The following AASDH variants were observed in gnomAD, a reference collection of about 807,000 sequenced individuals.
AASDH encodes beta-alanine-activating enzyme.
Under a neutral mutation model 102.3 loss-of-function variants are expected in AASDH, and 81 were observed. That is an observed-to-expected ratio of 0.79 (90% CI 0.66 to 0.95). The LOEUF (loss-of-function observed/expected upper bound fraction) is 0.95. Among genes scored for constraint, AASDH ranks in the 40% least tolerant of loss-of-function variants. The pLI is 0.00. For synonymous variants in AASDH, 398 were observed against 454.0 expected (o/e 0.88, Z 1.57); for missense variants, 1,203 against 1,266.2 (o/e 0.95, Z 0.76).
chr4:56,366,329 C>T (rs1751003361), intron 5 of AASDH, among the ~76,000 whole-genome samples: 1 of 152,190 alleles, frequency 6.6e-6, no homozygotes, highest in African/African-American at 2.4e-5. Context: ...CAAACTATTC[C>T]AATCAACAGA....
intron 3 of AASDH, among the ~76,000 whole-genome samples, chr4:56,380,872 T>C (rs865883680): frequency 1.3e-5 from 2 of 152,176 alleles, no homozygotes; most frequent in Non-Finnish European, 1.5e-5. Flanking sequence ...ATAAAAAATA[T>C]GTCTAGACAT....
At chr4:56,344,454 T>C (rs1195081803) in intron 12 of AASDH, among the ~76,000 whole-genome samples, 1 of 152,312 alleles carries the variant, frequency 6.6e-6, no homozygotes, top group East Asian at 1.9e-4. Flanking sequence ...TGTGTATTTA[T>C]GTCCCTTGTT....
At chr4:56,354,259 A>G in intron 7 of AASDH, 48 bp from the exon 8 acceptor site, 1 of 1,450,830 alleles carries the variant, frequency 6.9e-7, no homozygotes, top group Non-Finnish European at 9.1e-7. Context: ...AGGGAAATAT[A>G]TTAAAAACCA....
rs531875615 is a variant in AASDH, at chr4:56,343,081, G to C, written c.2776-115C>G. 1,182 of 1,030,502 alleles carry C rather than the reference G, an allele frequency of 1.1e-3. 2 individuals carry two copies. Among genetic ancestry groups the C allele is most frequent in the Non-Finnish European group, 1.0e-3 (781 of 768,022 alleles). 63.8% of individuals were successfully genotyped at this position (1,030,502 alleles called of 1,614,324 possible). On this transcript the variant is annotated intron_variant, in intron 13 of 14. Coordinates refer to ENST00000205214, the MANE Select transcript of AASDH (RefSeq NM_181806.4). ...TAGAACTAAAATAGCAGAAAATGCT[G>C]TAGTGGTATGCAGACATAAATGAAG...
In AASDH at chr4:56,354,130, G is replaced by T; in HGVS notation, c.1292C>A (p.Thr431Asn). ...GTMRATGDFV[T>N]VKDGEIFFLG... Reference sequence around the variant, plus strand: ...AAAAAAAATCTCTCCATCTTTCACAGTCACAAAGTCTCCTGTAGCTCGCAT... The same window carrying T: ...AAAAAAAATCTCTCCATCTTTCACATTCACAAAGTCTCCTGTAGCTCGCAT... The change falls in exon 8 of 15, where the codon ACT becomes AAT. Residue 431 changes from threonine (T) to asparagine (N), a missense_variant. Thr to Asn is a moderately conservative substitution (Grantham distance 65). Transcript: ENST00000205214. 1 of 1,613,152 alleles carries T rather than the reference G, an allele frequency of 6.2e-7. No individual in the cohort carries two copies. Among genetic ancestry groups the T allele is most frequent in the Non-Finnish European group, 8.5e-7 (1 of 1,179,472 alleles).
rs375453713 is a variant in AASDH at position 56,338,697 on chromosome 4, A to G, written c.3002T>C (p.Ile1001Thr). 1.2e-6 allele frequency: 2 copies of G among 1,614,098 alleles called. No individual in the cohort carries two copies. Among genetic ancestry groups the G allele is most frequent in the African/African-American group, 2.7e-5 (2 of 74,946 alleles). Reference sequence around the variant, plus strand: ...GTGACCTTTCATGTTACAACAGTAGATAAAGCAATCATGGGAACCAAAAAA... The same window carrying G: ...GTGACCTTTCATGTTACAACAGTAGGTAAAGCAATCATGGGAACCAAAAAA... ...KIFFGSHDCF[I>T]YCCNMKGHLQ... Residue 1001 changes from isoleucine (I) to threonine (T), a missense_variant, in exon 15 of 15, where the codon ATC becomes ACC. Ile to Thr is a moderately conservative substitution (Grantham distance 89, BLOSUM62 -1). Coordinates refer to ENST00000205214, the MANE Select transcript of AASDH (RefSeq NM_181806.4).
In AASDH at chr4:56,350,002, T is replaced by G; in HGVS notation, c.1749A>C (p.Leu583Phe). ...LLRVPDESLF[L>F]NSGGDSLKSI... ...ACTTTAAGGAATCTCCACCACTATT[T>G]AAGAAGAGTGACTCATCAGGAACCC... Residue 583 changes from leucine to phenylalanine, a missense_variant, in exon 11 of 15, where the codon TTA (leucine) becomes TTC (phenylalanine). Leu to Phe is a conservative substitution (Grantham distance 22, BLOSUM62 0). Coordinates refer to ENST00000205214, the MANE Select transcript of AASDH (RefSeq NM_181806.4). 1.2e-6 allele frequency: 2 copies of G among 1,610,206 alleles called. No homozygotes were observed. The highest frequency in any genetic ancestry group is 1.7e-6 in the Non-Finnish European group (2 of 1,179,752).
Position 56,382,495 on chromosome 4 carries a change from A to T in AASDH, c.333T>A (p.Val111=), listed in dbSNP as rs1183551422. ...MKKCNLKYIL[V]EKKQINKFKS... ...GACTTACATTAATTTGTTTTTTTTC[A>T]ACAAGGATATACTTTAGATTACATT... Residue 111 remains valine (V), a synonymous_variant, in exon 3 of 15, where the codon GTT becomes GTA. Coordinates refer to ENST00000205214, the MANE Select transcript of AASDH (RefSeq NM_181806.4). 1 of 1,584,996 alleles carries T rather than the reference A, an allele frequency of 6.3e-7. No individual in the cohort carries two copies. Among genetic ancestry groups the T allele is most frequent in the Non-Finnish European group, 8.6e-7 (1 of 1,158,030 alleles).
chr4:56,348,967 G>C, intron 11 of AASDH: 1 of 420,024 alleles, frequency 2.4e-6, no homozygotes, highest in South Asian at 3.8e-5. Flanking sequence ...GGGTATTTGT[G>C]ATACAGCAAC....
intron 3 of AASDH, among the ~76,000 whole-genome samples, chr4:56,380,516 C>T (rs942364977): frequency 2.6e-5 from 4 of 152,134 alleles, no homozygotes; most frequent in Non-Finnish European, 5.9e-5. Flanking sequence ...TAAAGAACTA[C>T]ATACGCTTCA....
intron 6 of AASDH, 131 bp from the exon 7 acceptor site, chr4:56,354,942 A>T: frequency 1.2e-6 from 1 of 848,816 alleles, no homozygotes; most frequent in Non-Finnish European, 1.8e-6. Context: ...GACTGACAAG[A>T]GGAAAAGGTT....
rs2109872983 is a variant in AASDH, at chr4:56,349,569, T to A, written c.2182A>T (p.Ile728Phe). Residue 728 changes from isoleucine to phenylalanine, a missense_variant, in exon 11 of 15, where the codon ATT becomes TTT. Transcript: ENST00000205214. The part of the protein sequence containing the change: ...NLKGLNSPVL[I>F]GKSKDPSCVA... Reference sequence around the variant, plus strand: ...CAGGATGGATCTTTTGACTTCCCAATAAGAACTGGAGAATTTAAGCCTTTC... The same window carrying A: ...CAGGATGGATCTTTTGACTTCCCAAAAAGAACTGGAGAATTTAAGCCTTTC... The A allele has an allele frequency of 6.2e-7, 1 of 1,614,088 alleles. No individual in the cohort carries two copies. Among genetic ancestry groups the A allele is most frequent in the East Asian group, 2.2e-5 (1 of 44,896 alleles).
At chr4:56,341,598 T>A in intron 14 of AASDH, among the ~76,000 whole-genome samples, 1 of 149,536 alleles carries the variant, frequency 6.7e-6, no homozygotes, top group East Asian at 2.0e-4. Flanking sequence ...AGACGGGGTT[T>A]CACCATGTTG....
chr4:56,354,128 C>G lies in AASDH; in HGVS notation c.1294G>C (p.Val432Leu), dbSNP rs762439464. 1 of 1,613,424 alleles carries G rather than the reference C, an allele frequency of 6.2e-7. No individual in the cohort carries two copies. Among genetic ancestry groups the G allele is most frequent in the South Asian group, 1.1e-5 (1 of 90,978 alleles). ...TMRATGDFVT[V>L]KDGEIFFLGR... is the part of the protein sequence containing the mutation. ...AAAAAAAAAATCTCTCCATCTTTCA[C>G]AGTCACAAAGTCTCCTGTAGCTCGC... The change falls in exon 8 of 15, where the codon GTG (valine) becomes CTG (leucine). Residue 432 changes from valine (V) to leucine (L), a missense_variant. By Grantham distance (32) the Val-to-Leu change is conservative. Transcript: ENST00000205214.
At chr4:56,355,548 T>C in intron 5 of AASDH, 125 bp from the exon 6 acceptor site, 1 of 830,630 alleles carries the variant, frequency 1.2e-6, no homozygotes, top group Admixed American at 3.3e-5. Flanking sequence ...GTTTATCAAA[T>C]GGGAAATCCC....
chr4:56,378,961 G>T (rs1752671770), intron 3 of AASDH, among the ~76,000 whole-genome samples: 1 of 151,876 alleles, frequency 6.6e-6, no homozygotes, highest in South Asian at 2.1e-4. Context: ...TCAGCTCACT[G>T]CAAATTCCGC....
chr4:56,342,036 C>T (rs916160348), intron 14 of AASDH, among the ~76,000 whole-genome samples: 10 of 148,442 alleles, frequency 6.7e-5, no homozygotes, highest in African/African-American at 2.5e-4. Flanking sequence ...TGCTTGAACC[C>T]GTGAGGCGGA....
intron 5 of AASDH, among the ~76,000 whole-genome samples, chr4:56,360,807 G>T (rs184599299): frequency 6.6e-6 from 1 of 152,286 alleles, no homozygotes; most frequent in East Asian, 1.9e-4. Context: ...TTAAGATCAT[G>T]GCTTGTCAAA....
chr4:56,355,189 T>G lies in AASDH; in HGVS notation c.1096A>C (p.Thr366Pro). ...TACAATGAAAACCCTTACTTGAGAG[T>G]AGAGTTAAGAGTCTTCTCTGGAATC... Reference protein sequence around the residue: ...YRIPEKTLNSTLKCELPVQLG... With the variant: ...YRIPEKTLNSPLKCELPVQLG... The change falls in exon 6 of 15, where the codon ACT becomes CCT. Residue 366 changes from threonine (T) to proline (P), a missense_variant. Coordinates refer to ENST00000205214, the MANE Select transcript of AASDH (RefSeq NM_181806.4). 3 of 1,613,396 alleles carry G rather than the reference T, an allele frequency of 1.9e-6. No homozygotes were observed. Among genetic ancestry groups the G allele is most frequent in the Non-Finnish European group, 2.5e-6 (3 of 1,179,796 alleles).
Sources: allele counts gnomAD v4.1 joint callset (sites outside exome capture counted in the v4.1 genomes callset), GRCh38; gene constraint gnomAD v4.1.1; transcripts MANE v1.5; gene names NCBI Gene and HGNC (gene_info 2026-07-23, HGNC 2026-07-21).